Variants in KCND2 observed in about 807,000 individuals in gnomAD.
KCND2 encodes the protein potassium voltage-gated channel subfamily D member 2.
Under a neutral mutation model 54.4 loss-of-function variants are expected in KCND2, and 16 were observed. That is an observed-to-expected ratio of 0.29 (90% CI 0.20 to 0.45). KCND2 has a LOEUF of 0.45. Among genes scored for constraint, KCND2 ranks in the 20% least tolerant of loss-of-function variants. The pLI is 1.00. For synonymous variants in KCND2, 317 were observed against 310.7 expected, an observed-to-expected ratio of 1.02 and a Z score of -0.21; for missense variants, 486 against 824.2, an observed-to-expected ratio of 0.59 and a Z score of 5.02.
In KCND2 at chr7:120,450,484, T is replaced by C. The variant is rs564380668; in HGVS notation, c.1115+174737T>C. ...AGGAGAGGGGATGGGTTGGGAAAGGTGTAGCCTCAGGAAAACTAGCAGAGA... is the reference window on the plus strand; with the variant it reads ...AGGAGAGGGGATGGGTTGGGAAAGGCGTAGCCTCAGGAAAACTAGCAGAGA... On this transcript the variant is annotated intron_variant, in intron 1 of 5. Coordinates refer to ENST00000331113, the MANE Select transcript of KCND2 (RefSeq NM_012281.3). Among the ~76,000 whole-genome samples, 164 of 152,142 alleles carry C rather than the reference T, an allele frequency of 1.1e-3. 3 individuals carry two copies. The South Asian group carries it at 0.033, about 30-fold the overall frequency.
At chr7:120,401,876 A>AT (rs1801259106) in intron 1 of KCND2, among the ~76,000 whole-genome samples, 1 of 152,138 alleles carries the variant, frequency 6.6e-6, no homozygotes, top group Non-Finnish European at 1.5e-5. Flanking sequence ...CCTAAAGCAC[A>AT]TTGAAATTGC....
intron 1 of KCND2, among the ~76,000 whole-genome samples, chr7:120,486,959 A>G (rs1584798144): frequency 6.6e-6 from 1 of 152,166 alleles, no homozygotes; most frequent in Non-Finnish European, 1.5e-5. Context: ...CCACGGAACA[A>G]TTTCAGTGTT....
At chr7:120,529,790 A>T (rs560675133) in intron 1 of KCND2, among the ~76,000 whole-genome samples, 1 of 152,222 alleles carries the variant, frequency 6.6e-6, no homozygotes, top group South Asian at 2.1e-4. Context: ...ATGTTCCCCT[A>T]GGAATGATCA....
At chr7:120,322,880 A>G (rs1219850645) in intron 1 of KCND2, among the ~76,000 whole-genome samples, 1 of 152,120 alleles carries the variant, frequency 6.6e-6, no homozygotes, top group African/African-American at 2.4e-5. Context: ...TTAAATTGAA[A>G]ATTTTAAATT....
At chr7:120,422,582 C>T (rs1450659904) in intron 1 of KCND2, among the ~76,000 whole-genome samples, 1 of 152,142 alleles carries the variant, frequency 6.6e-6, no homozygotes, top group African/African-American at 2.4e-5. Context: ...ACTGGGAGAA[C>T]CATAATATCC....
chr7:120,574,466 T>C (rs1366985880), intron 1 of KCND2, among the ~76,000 whole-genome samples: 1 of 152,200 alleles, frequency 6.6e-6, no homozygotes, highest in Non-Finnish European at 1.5e-5. Context: ...TGCTAAAGCA[T>C]ACATGGATTT....
At chr7:120,667,043 A>G (rs1406636178) in intron 1 of KCND2, among the ~76,000 whole-genome samples, 1 of 152,046 alleles carries the variant, frequency 6.6e-6, no homozygotes, top group East Asian at 1.9e-4. Context: ...AAGTCTTGCA[A>G]AAGACTTCAT....
chr7:120,577,228 G>C (rs1792446365), intron 1 of KCND2, among the ~76,000 whole-genome samples: 1 of 151,648 alleles, frequency 6.6e-6, no homozygotes. Context: ...AATCTGAGAA[G>C]AAAGAAAAAA....
At chr7:120,495,498 C>G (rs1356437331) in intron 1 of KCND2, among the ~76,000 whole-genome samples, 1 of 152,144 alleles carries the variant, frequency 6.6e-6, no homozygotes, top group Non-Finnish European at 1.5e-5. Flanking sequence ...TGACCCAGAA[C>G]TATGCAGGTT....
At chr7:120,415,057 G>A (rs540145761) in intron 1 of KCND2, among the ~76,000 whole-genome samples, 5 of 152,240 alleles carry the variant, frequency 3.3e-5, no homozygotes, top group Admixed American at 6.5e-5. Context: ...TCAGTGCAGC[G>A]TAGCTTAGCT....
intron 1 of KCND2, among the ~76,000 whole-genome samples, chr7:120,580,076 GTC>G (rs1792495518): frequency 6.6e-6 from 1 of 152,174 alleles, no homozygotes; most frequent in East Asian, 1.9e-4. Context: ...GAAAATCCCA[GTC>G]TCTGTCCCAT....
intron 1 of KCND2, among the ~76,000 whole-genome samples, chr7:120,423,200 A>C (rs1436002238): frequency 6.6e-6 from 1 of 152,186 alleles, no homozygotes; most frequent in African/African-American, 2.4e-5. Flanking sequence ...TGTTCCAGCC[A>C]CCTTTCCTAA....
chr7:120,359,503 A>G (rs1039440375), intron 1 of KCND2, among the ~76,000 whole-genome samples: 7 of 152,142 alleles, frequency 4.6e-5, no homozygotes, highest in African/African-American at 1.4e-4. Flanking sequence ...ACAATTTGAA[A>G]AAATCTCATG....
chr7:120,649,082 T>G (rs1791688783), intron 1 of KCND2, among the ~76,000 whole-genome samples: 1 of 152,186 alleles, frequency 6.6e-6, no homozygotes, highest in Admixed American at 6.5e-5. Context: ...AATCCTAACC[T>G]CTCATTTAAT....
At chr7:120,638,789 C>A (rs67907055) in intron 1 of KCND2, among the ~76,000 whole-genome samples, 1 of 151,726 alleles carries the variant, frequency 6.6e-6, no homozygotes, top group Admixed American at 6.6e-5. Context: ...TTCAGACCTG[C>A]GTTGGGGTTG....
chr7:120,454,049 A>G (rs1802158840), intron 1 of KCND2, among the ~76,000 whole-genome samples: 1 of 152,232 alleles, frequency 6.6e-6, no homozygotes. Context: ...ACGCCACTGC[A>G]CTCCAGCCTG....
At chr7:120,743,730 T>C (rs539708122) in intron 4 of KCND2, among the ~76,000 whole-genome samples, 20 of 152,004 alleles carry the variant, frequency 1.3e-4, no homozygotes, top group Admixed American at 2.6e-4. Context: ...GTGAAATAAT[T>C]TAAGAGTGGT....
chr7:120,437,329 A>G (rs2116183378), intron 1 of KCND2, among the ~76,000 whole-genome samples: 1 of 150,260 alleles, frequency 6.7e-6, no homozygotes, highest in East Asian at 2.0e-4. Flanking sequence ...CAGCCTCCGG[A>G]GTAGCTGGGA....
intron 1 of KCND2, among the ~76,000 whole-genome samples, chr7:120,653,230 G>A (rs73219468): frequency 0.041 from 6,159 of 148,504 alleles, 197 homozygotes; most frequent in Non-Finnish European, 0.062. Context: ...ATTTTTGGTA[G>A]AGATGGGGTC....
Sources: gnomAD v4.1 joint callset for allele counts (sites outside exome capture counted in the v4.1 genomes callset) on GRCh38, gnomAD v4.1.1 for gene constraint, MANE v1.5 for transcripts, NCBI Gene and HGNC (gene_info 2026-07-23, HGNC 2026-07-21) for gene names.